ASCC3: variants seen among roughly 807,000 people sequenced by gnomAD.
ASCC3 encodes the protein activating signal cointegrator 1 complex subunit 3.
Under a neutral mutation model 256.3 loss-of-function variants are expected in ASCC3, and 158 were observed. The ratio of observed to expected loss-of-function variants is 0.62; its 90% CI spans 0.54 to 0.70. The LOEUF is 0.70. Among genes scored for constraint, ASCC3 ranks in the 30% least tolerant of loss-of-function variants. ASCC3 has a pLI of 0.00. For synonymous variants in ASCC3, 948 were observed against 883.4 expected, an observed-to-expected ratio of 1.07 and a Z score of -1.30; for missense variants, 2,259 against 2,626.0, an observed-to-expected ratio of 0.86 and a Z score of 3.05.
chr6:100,727,682 A>C (rs10652186), intron 10 of ASCC3, among the ~76,000 whole-genome samples: 73,841 of 144,710 alleles, frequency 0.51, 18,354 homozygotes, highest in South Asian at 0.68. Context: ...ACAACAACAA[A>C]AAAGGGTCTA....
chr6:100,741,328 T>A (rs1419513666), intron 10 of ASCC3, among the ~76,000 whole-genome samples: 3 of 152,168 alleles, frequency 2.0e-5, no homozygotes, highest in African/African-American at 7.2e-5. Context: ...TTCTTTCATT[T>A]CAGCCTTGGA....
chr6:100,877,895 T>A (rs964567624), intron 1 of ASCC3, among the ~76,000 whole-genome samples: 10 of 152,194 alleles, frequency 6.6e-5, no homozygotes, highest in Non-Finnish European at 1.0e-4. Flanking sequence ...TCTCTTTTTT[T>A]AAAAAACATA....
intron 4 of ASCC3, among the ~76,000 whole-genome samples, chr6:100,836,189 T>C (rs546703556): frequency 3.9e-5 from 6 of 152,242 alleles, no homozygotes; most frequent in Admixed American, 1.3e-4. Flanking sequence ...GATCATGTTG[T>C]CTGCAAACGG....
intron 13 of ASCC3, among the ~76,000 whole-genome samples, chr6:100,687,148 A>G (rs930492738): frequency 6.6e-6 from 1 of 151,040 alleles, no homozygotes; most frequent in Non-Finnish European, 1.5e-5. Context: ...AAAAATTTCC[A>G]TAATATTATC....
chr6:100,534,108 G>A (rs562852061), intron 37 of ASCC3, among the ~76,000 whole-genome samples: 1 of 152,312 alleles, frequency 6.6e-6, no homozygotes, highest in South Asian at 2.1e-4. Context: ...GCCAGGCGTG[G>A]TGGCTTGCAC....
chr6:100,745,025 G>A (rs1351136286), intron 10 of ASCC3, among the ~76,000 whole-genome samples: 3 of 152,150 alleles, frequency 2.0e-5, no homozygotes, highest in Admixed American at 2.0e-4. Context: ...GCAACTGTGT[G>A]TCTCATAATG....
chr6:100,527,548 C>G (rs1056475532), intron 37 of ASCC3, among the ~76,000 whole-genome samples: 2 of 152,134 alleles, frequency 1.3e-5, no homozygotes, highest in Non-Finnish European at 2.9e-5. Flanking sequence ...TAATACATCA[C>G]CAACCCACTG....
Position 100,509,192 on chromosome 6 carries a change from G to T in ASCC3, c.*194C>A. ...ACTCATAAAGATAACATTATAAAAGGCAACATTTGTTAAAAGGCCACTGTG... is the reference window on the plus strand; with the variant it reads ...ACTCATAAAGATAACATTATAAAAGTCAACATTTGTTAAAAGGCCACTGTG... On this transcript the variant is annotated 3_prime_UTR_variant, in exon 42 of 42. Coordinates refer to ENST00000369162, the MANE Select transcript of ASCC3 (RefSeq NM_006828.4). 1.5e-6 allele frequency: 1 copy of T among 656,218 alleles called. No individual in the cohort carries two copies. The highest frequency in any genetic ancestry group is 2.7e-6 in the Non-Finnish European group (1 of 373,370). The allele number at this position is 656,218 out of a possible 1,614,324, so 40.6% of individuals were successfully genotyped here.
At chr6:100,536,559 G>A (rs1478066585) in intron 37 of ASCC3, among the ~76,000 whole-genome samples, 1 of 152,094 alleles carries the variant, frequency 6.6e-6, no homozygotes, top group Non-Finnish European at 1.5e-5. Context: ...ATGGCTCATT[G>A]CAGCCTTGAC....
intron 8 of ASCC3, among the ~76,000 whole-genome samples, chr6:100,772,803 A>G (rs950466579): frequency 3.3e-5 from 5 of 152,238 alleles, no homozygotes; most frequent in African/African-American, 7.2e-5. Flanking sequence ...AAGAAACCTA[A>G]GATCTCTAAA....
At chr6:100,817,643 C>T (rs1582908190) in intron 4 of ASCC3, among the ~76,000 whole-genome samples, 1 of 151,840 alleles carries the variant, frequency 6.6e-6, no homozygotes, top group South Asian at 2.1e-4. Context: ...ATGCTATAAA[C>T]AATTGTATAT....
chr6:100,665,581 CAAAA>C (rs34217961), intron 14 of ASCC3, among the ~76,000 whole-genome samples: 7 of 146,312 alleles, frequency 4.8e-5, no homozygotes, highest in African/African-American at 1.8e-4. Context: ...AACAAACAAA[CAAAA>C]AAAAAATAGC....
chr6:100,835,208 T>C (rs78302368), intron 4 of ASCC3, among the ~76,000 whole-genome samples: 1,927 of 152,250 alleles, frequency 0.013, 20 homozygotes, highest in East Asian at 0.045. Context: ...GCAAATATTT[T>C]CTCCCATTCC....
chr6:100,583,948 GAGAT>G (rs1282609872), intron 36 of ASCC3, among the ~76,000 whole-genome samples: 3 of 152,208 alleles, frequency 2.0e-5, no homozygotes, highest in African/African-American at 7.2e-5. Flanking sequence ...TGTGGTCTGA[GAGAT>G]AGTTTGTTAT....
intron 4 of ASCC3, among the ~76,000 whole-genome samples, chr6:100,812,201 T>C (rs1007063747): frequency 1.3e-5 from 2 of 152,116 alleles, no homozygotes; most frequent in African/African-American, 4.8e-5. Flanking sequence ...AGTGGAAACA[T>C]GGGACAAATA....
chr6:100,843,807 C>T (rs985754556), intron 4 of ASCC3, among the ~76,000 whole-genome samples: 11 of 151,836 alleles, frequency 7.2e-5, no homozygotes, highest in Non-Finnish European at 1.5e-5. Flanking sequence ...TTTTAAATAT[C>T]ATTTTATTGT....
chr6:100,639,250 A>G (rs1381787041), intron 24 of ASCC3, among the ~76,000 whole-genome samples: 1 of 152,230 alleles, frequency 6.6e-6, no homozygotes, highest in Non-Finnish European at 1.5e-5. Context: ...AGAGCAGTTG[A>G]GTTAACTATT....
chr6:100,749,163 T>G (rs1435340816), intron 10 of ASCC3, among the ~76,000 whole-genome samples: 1 of 152,058 alleles, frequency 6.6e-6, no homozygotes, highest in Non-Finnish European at 1.5e-5. Flanking sequence ...CGTCAAACAG[T>G]GTTCAATTTG....
chr6:100,620,822 G>A (rs73500981), intron 30 of ASCC3, among the ~76,000 whole-genome samples: 237 of 152,140 alleles, frequency 1.6e-3, no homozygotes, highest in African/African-American at 5.5e-3. Context: ...AGAATATTAC[G>A]GAAAGTAACC....
Sources: allele counts gnomAD v4.1 joint callset (sites outside exome capture counted in the v4.1 genomes callset), GRCh38; gene constraint gnomAD v4.1.1; transcripts MANE v1.5; gene names NCBI Gene and HGNC (gene_info 2026-07-23, HGNC 2026-07-21).